Variants in FANCD2OS observed in about 807,000 individuals in gnomAD.
FANCD2OS encodes FANCD2 opposite strand protein.
A neutral mutation model predicts 13.2 loss-of-function variants in FANCD2OS; 11 were observed. The ratio of observed to expected loss-of-function variants is 0.83; its 90% CI spans 0.52 to 1.38. The LOEUF (loss-of-function observed/expected upper bound fraction) is 1.38. Among genes scored for constraint, FANCD2OS ranks in the 40% most tolerant of loss-of-function variants. FANCD2OS has a pLI of 0.00. For synonymous variants in FANCD2OS, 69 were observed against 84.5 expected (o/e 0.82, Z 1.01); for missense variants, 217 against 213.9 (o/e 1.01, Z -0.09).
chr3:10,099,013 C>G (rs1695148316), downstream of FANCD2OS: 10 of 1,612,922 alleles, frequency 6.2e-6, no homozygotes, highest in Non-Finnish European at 8.5e-6. Context: ...CTTAGAATCA[C>G]TCCTGAGTAT....
downstream of FANCD2OS, among the ~76,000 whole-genome samples, chr3:10,100,167 G>A (rs931391756): frequency 8.5e-5 from 13 of 152,174 alleles, no homozygotes; most frequent in East Asian, 3.8e-4. Flanking sequence ...ATGACAGAGC[G>A]AGACCCTGTC....
At chr3:10,093,386 C>T (rs1559407819) in intron 2 of FANCD2OS, 9 of 1,346,942 alleles carry the variant, frequency 6.7e-6, no homozygotes, top group Middle Eastern at 1.8e-4. Context: ...TAGAGAGGAC[C>T]TCAGCTGAGA....
At chr3:10,088,446 C>T in intron 2 of FANCD2OS, 1 of 1,594,878 alleles carries the variant, frequency 6.3e-7, no homozygotes, top group Non-Finnish European at 8.6e-7. Flanking sequence ...TCTTTTCTAA[C>T]AGCTTCCCTT....
chr3:10,105,893 T>C (rs924504207), intron 1 of FANCD2OS, among the ~76,000 whole-genome samples: 1 of 146,750 alleles, frequency 6.8e-6, no homozygotes, highest in Non-Finnish European at 1.5e-5. Context: ...GAAATGCACA[T>C]TTTTGGGCCC....
chr3:10,081,418 T>G, exon 3 of FANCD2OS: 3 of 1,614,170 alleles, frequency 1.9e-6, no homozygotes, highest in Non-Finnish European at 2.5e-6. Flanking sequence ...CATAATGTCT[T>G]CCTGCTATCA....
chr3:10,095,818 G>A (rs1694918600), intron 2 of FANCD2OS, among the ~76,000 whole-genome samples: 1 of 151,810 alleles, frequency 6.6e-6, no homozygotes, highest in African/African-American at 2.4e-5. Flanking sequence ...TGATTCTTGA[G>A]TCCAGTTTCT....
rs1693825081 is a variant in FANCD2OS at position 10,081,379 on chromosome 3, G to A, written c.*196C>T. On this transcript the variant is annotated 3_prime_UTR_variant, in exon 3 of 3. Transcript: ENST00000524279. ...TGCTGAGAATCACGGTGTAGTTGAT[G>A]GACCAGGAGTGAAAGTTCAGGAGTA... 1.2e-6 allele frequency: 2 copies of A among 1,614,074 alleles called. No homozygotes were observed. Among genetic ancestry groups the A allele is most frequent in the East Asian group, 4.5e-5 (2 of 44,878 alleles).
At chr3:10,081,592 T>G (rs1693838660) in intron 2 of FANCD2OS, 1 of 793,960 alleles carries the variant, frequency 1.3e-6, no homozygotes, top group East Asian at 2.4e-5. Context: ...TTCATTAATT[T>G]TGTGGGAGTG....
rs55861547 is a variant in FANCD2OS at position 10,085,889 on chromosome 3, G to C, written c.*44-4358C>G. 1 of 1,613,548 alleles carries C rather than the reference G, an allele frequency of 6.2e-7. No individual in the cohort carries two copies. On this transcript the variant is annotated intron_variant, in intron 2 of 2. Coordinates refer to the FANCD2OS transcript ENST00000524279. ...GTCCTTAGTAGCCGACTGAAACAGGGAGAACACAGCCAGCCTTTGGAGGAA... is the reference window on the plus strand; with the variant it reads ...GTCCTTAGTAGCCGACTGAAACAGGCAGAACACAGCCAGCCTTTGGAGGAA...
chr3:10,089,285 CA>C (rs762191428), intron 2 of FANCD2OS, among the ~76,000 whole-genome samples: 44 of 141,092 alleles, frequency 3.1e-4, no homozygotes, highest in Admixed American at 2.1e-4. Flanking sequence ...AACTCCATCT[CA>C]AAAAAAAAAA....
intron 2 of FANCD2OS, chr3:10,090,443 ATTTTTTTTTTTTTTT>A (rs773716319): frequency 2.0e-5 from 7 of 342,312 alleles, no homozygotes; most frequent in African/African-American, 3.9e-5. Flanking sequence ...GAAGTTGCTG[ATTTTTTTTTTTTTTT>A]TTTTTTTTTT....
At chr3:10,086,196 A>G (rs1438634507) in intron 2 of FANCD2OS, among the ~76,000 whole-genome samples, 1 of 152,332 alleles carries the variant, frequency 6.6e-6, no homozygotes, top group East Asian at 1.9e-4. Context: ...ACCATCTGTA[A>G]TCAACTCTTG....
At chr3:10,098,807 G>A, downstream of FANCD2OS, 2 of 1,614,184 alleles carry the variant, frequency 1.2e-6, no homozygotes, top group Non-Finnish European at 1.7e-6. Context: ...CAAGAGCAAA[G>A]CCACTGAGGT....
At chr3:10,095,113 CTT>C in intron 2 of FANCD2OS, 3 of 1,156,836 alleles carry the variant, frequency 2.6e-6, no homozygotes, top group South Asian at 1.3e-5. Flanking sequence ...AGTTTATCCT[CTT>C]TGGAGCTTTT....
downstream of FANCD2OS, chr3:10,101,068 A>T: frequency 1.3e-6 from 1 of 740,854 alleles, no homozygotes; most frequent in Non-Finnish European, 2.3e-6. Flanking sequence ...ACTCCTTTAA[A>T]AAAAAAAAAA....
intron 2 of FANCD2OS, chr3:10,089,070 G>C: frequency 2.6e-6 from 3 of 1,161,886 alleles, no homozygotes; most frequent in Non-Finnish European, 3.8e-6. Flanking sequence ...ATCACCTTGA[G>C]GTCAGGAGTT....
At chr3:10,092,376 C>T (rs1039851253) in intron 2 of FANCD2OS, 49 of 799,454 alleles carry the variant, frequency 6.1e-5, no homozygotes, top group African/African-American at 3.4e-4. Flanking sequence ...CTCCCTGAGT[C>T]GTCTTCTTCC....
At position 10,108,061 on chromosome 3, in the gene FANCD2OS, T is replaced by C. The variant is rs1695550296; in HGVS notation, c.-55A>G. On this transcript the variant is annotated 5_prime_UTR_variant, in exon 1 of 2. Transcript: ENST00000450660. ...CCAAAGTGCAGCTGAGGTCCTGAAC[T>C]GTAAACGGAGATCCCGAGGGTCTGG... 3 of 152,186 alleles carry C rather than the reference T, an allele frequency of 2.0e-5. No individual in the cohort carries two copies. In the South Asian group the frequency reaches 6.2e-4, roughly 32 times the overall value. The allele number at this position is 152,186 out of a possible 1,614,324, so 9.4% of individuals were successfully genotyped here. A position where few individuals can be genotyped will look rare whatever the true frequency, so the allele number is the denominator to read the frequency against.
At chr3:10,105,811 TA>T (rs1695481723) in intron 1 of FANCD2OS, among the ~76,000 whole-genome samples, 5 of 79,290 alleles carry the variant, frequency 6.3e-5, no homozygotes, top group Non-Finnish European at 1.2e-4. Context: ...TATATATATA[TA>T]TATATATATT....
Sources: gnomAD v4.1 joint callset for allele counts (sites outside exome capture counted in the v4.1 genomes callset) on GRCh38, gnomAD v4.1.1 for gene constraint, MANE v1.5 for transcripts, NCBI Gene and HGNC (gene_info 2026-07-23, HGNC 2026-07-21) for gene names.